BMERB1: variants seen among roughly 807,000 people sequenced by gnomAD.
The protein encoded by BMERB1 is bMERB domain containing 1, also known as bMERB domain-containing protein 1.
A neutral mutation model predicts 23.6 loss-of-function variants in BMERB1; 12 were observed. That is an observed-to-expected ratio of 0.51 (90% confidence interval 0.33 to 0.82). The LOEUF is 0.82. BMERB1 is among the 40% of genes least tolerant of loss of function. The pLI is 0.03. For synonymous variants in BMERB1, 122 were observed against 96.6 expected (o/e 1.26, Z -1.54); for missense variants, 247 against 255.4 (o/e 0.97, Z 0.22).
intron 2 of BMERB1, among the ~76,000 whole-genome samples, chr16:15,521,477 G>C (rs904209549): frequency 6.6e-6 from 1 of 152,254 alleles, no homozygotes; most frequent in African/African-American, 2.4e-5. Flanking sequence ...CACATCAAAT[G>C]CTTACTAACA....
In BMERB1 at chr16:15,586,720, C is replaced by T; in HGVS notation, c.506C>T (p.Ser169Phe). 3.7e-6 allele frequency: 6 copies of T among 1,608,196 alleles called. No homozygotes were observed. Among genetic ancestry groups the T allele is most frequent in the Non-Finnish European group, 5.1e-6 (6 of 1,177,756 alleles). ...CTGTGCCCACATCTTGCTGCAGGCT[C>T]CCGGGCAGAGAAGAAAGCAGAGCCC... ...LDKVTKSPAS[S>F]RAEKKAEPPP... Residue 169 changes from serine (S) to phenylalanine (F), a missense_variant, in exon 6 of 6, where the codon TCC (serine) becomes TTC (phenylalanine). Transcript: ENST00000300006.
chr16:15,574,432 C>T (rs1324337269), intron 3 of BMERB1, among the ~76,000 whole-genome samples: 2 of 152,002 alleles, frequency 1.3e-5, no homozygotes, highest in African/African-American at 4.8e-5. Context: ...AGGCTGTTAT[C>T]GTCTTTGTTT....
chr16:15,521,396 T>C (rs2051852076), intron 2 of BMERB1, among the ~76,000 whole-genome samples: 1 of 152,208 alleles, frequency 6.6e-6, no homozygotes, highest in African/African-American at 2.4e-5. Context: ...CCCACAACAG[T>C]TGGCATTTAC....
At chr16:15,448,286 G>A (rs1427330819) in intron 1 of BMERB1, among the ~76,000 whole-genome samples, 1 of 152,188 alleles carries the variant, frequency 6.6e-6, no homozygotes, top group African/African-American at 2.4e-5. Context: ...GGAGGGTTTG[G>A]AATTATCCCA....
chr16:15,524,297 C>A (rs1257979488), intron 2 of BMERB1, among the ~76,000 whole-genome samples: 1 of 151,846 alleles, frequency 6.6e-6, no homozygotes, highest in African/African-American at 2.4e-5. Flanking sequence ...ACAAAATATA[C>A]AAGAAGTTGG....
chr16:15,545,084 C>T (rs1179156776), intron 2 of BMERB1, among the ~76,000 whole-genome samples: 1 of 152,012 alleles, frequency 6.6e-6, no homozygotes, highest in Non-Finnish European at 1.5e-5. Flanking sequence ...GCAATTCTCC[C>T]GCCTCAGCCT....
At chr16:15,548,302 G>A (rs931527161) in intron 2 of BMERB1, among the ~76,000 whole-genome samples, 2 of 152,106 alleles carry the variant, frequency 1.3e-5, no homozygotes, top group African/African-American at 2.4e-5. Context: ...GGTGAATTCC[G>A]AGTAAATGGT....
intron 1 of BMERB1, among the ~76,000 whole-genome samples, chr16:15,509,298 G>C (rs58837030): frequency 0.2 from 27,902 of 140,498 alleles, 3,137 homozygotes; most frequent in East Asian, 0.38. Context: ...GCTGGATTAC[G>C]TGGTTAAGGT....
intron 1 of BMERB1, among the ~76,000 whole-genome samples, chr16:15,453,431 A>G (rs1426582176): frequency 6.6e-6 from 1 of 152,032 alleles, no homozygotes; most frequent in Non-Finnish European, 1.5e-5. Context: ...AAAAATAATT[A>G]CCTGGGTGTG....
chr16:15,538,175 G>A (rs1329279316), intron 2 of BMERB1, among the ~76,000 whole-genome samples: 2 of 152,192 alleles, frequency 1.3e-5, no homozygotes, highest in African/African-American at 2.4e-5. Context: ...TAGATGGGCC[G>A]GATGCGTTGG....
At chr16:15,515,567 C>T in intron 2 of BMERB1, 139 bp downstream of exon 2, 1 of 1,222,700 alleles carries the variant, frequency 8.2e-7, no homozygotes, top group South Asian at 1.7e-5. Flanking sequence ...ATTTGATTCT[C>T]ACCACCACCC....
chr16:15,477,967 A>G lies in BMERB1; in HGVS notation c.107-37338A>G, dbSNP rs541373137. On this transcript the variant is annotated intron_variant, in intron 1 of 5. Coordinates refer to ENST00000300006, the MANE Select transcript of BMERB1 (RefSeq NM_033201.3). Reference sequence around the variant, plus strand: ...GACCTGGGAAGAATGACACTACTGCATCTTGGCCAGAACCAGAAGTCCTGT... The same window carrying G: ...GACCTGGGAAGAATGACACTACTGCGTCTTGGCCAGAACCAGAAGTCCTGT... Among the ~76,000 whole-genome samples, 8 of 152,268 alleles carry G rather than the reference A, an allele frequency of 5.3e-5. No homozygotes were observed. In the East Asian group the frequency reaches 1.3e-3, roughly 26 times the overall value.
At chr16:15,517,776 GGA>G (rs2051782958) in intron 2 of BMERB1, among the ~76,000 whole-genome samples, 1 of 148,836 alleles carries the variant, frequency 6.7e-6, no homozygotes, top group African/African-American at 2.6e-5. Flanking sequence ...GGATGTGTGT[GGA>G]TGTGGATGTG....
At chr16:15,505,880 G>A (rs1359258883) in intron 1 of BMERB1, among the ~76,000 whole-genome samples, 3 of 140,720 alleles carry the variant, frequency 2.1e-5, no homozygotes, top group Non-Finnish European at 4.5e-5. Flanking sequence ...AGAGCGAGAC[G>A]CCGTTTCAAA....
intron 3 of BMERB1, among the ~76,000 whole-genome samples, chr16:15,571,440 T>G (rs563755860): frequency 1.8e-4 from 28 of 151,848 alleles, no homozygotes; most frequent in African/African-American, 6.8e-4. Context: ...TCACAGCAAG[T>G]TCCGCCTCCC....
chr16:15,518,027 G>A (rs1023984712), intron 2 of BMERB1, among the ~76,000 whole-genome samples: 5 of 151,882 alleles, frequency 3.3e-5, no homozygotes, highest in Admixed American at 2.6e-4. Context: ...GGATGTGTGC[G>A]TGTGTGGATG....
At chr16:15,569,962 A>C (rs1266308109) in intron 3 of BMERB1, among the ~76,000 whole-genome samples, 3 of 152,190 alleles carry the variant, frequency 2.0e-5, no homozygotes, top group Non-Finnish European at 4.4e-5. Flanking sequence ...TTTAAACTAT[A>C]AACTAAATGT....
In BMERB1 at chr16:15,434,773, C is replaced by T. The variant is rs758305078; in HGVS notation, c.106+14C>T. ...GACTGGGGAGAAGTGAGTACTGGGG[C>T]GGGGGGCGGGGGGCCGGGGACAGCT... On this transcript the variant is annotated intron_variant, in intron 1 of 5. Coordinates refer to ENST00000300006, the MANE Select transcript of BMERB1 (RefSeq NM_033201.3). 5 of 622,940 alleles carry T rather than the reference C, an allele frequency of 8.0e-6. No individual in the cohort carries two copies. Among genetic ancestry groups the T allele is most frequent in the Admixed American group, 1.8e-4 (2 of 10,922 alleles). 38.6% of individuals were successfully genotyped at this position (622,940 alleles called of 1,614,324 possible).
intron 3 of BMERB1, among the ~76,000 whole-genome samples, chr16:15,573,590 T>A (rs2030785417): frequency 6.6e-6 from 1 of 152,108 alleles, no homozygotes; most frequent in African/African-American, 2.4e-5. Context: ...ACCCATCAAG[T>A]GCACGGTCTG....
Sources: gnomAD v4.1 joint callset for allele counts (sites outside exome capture counted in the v4.1 genomes callset) on GRCh38, gnomAD v4.1.1 for gene constraint, MANE v1.5 for transcripts, NCBI Gene and HGNC (gene_info 2026-07-23, HGNC 2026-07-21) for gene names.